The following GALNT13 variants were observed in gnomAD, a reference collection of about 807,000 sequenced individuals.
GALNT13 encodes UDP-GalNAc:polypeptide N-acetylgalactosaminyltransferase 13.
Under a neutral mutation model 64.2 loss-of-function variants are expected in GALNT13, and 28 were observed. The observed-to-expected ratio is 0.44, with a 90% CI of 0.32 to 0.60. The LOEUF (loss-of-function observed/expected upper bound fraction) is 0.60. Among genes scored for constraint, GALNT13 ranks in the 20% least tolerant of loss-of-function variants. The pLI is 0.05. For synonymous variants in GALNT13, 214 were observed against 224.6 expected (o/e 0.95, Z 0.42); for missense variants, 577 against 669.8 (o/e 0.86, Z 1.53).
chr2:153,710,368 A>G, the GALNT13 span, among the ~76,000 whole-genome samples: 1 of 152,114 alleles, frequency 6.6e-6, no homozygotes, highest in Non-Finnish European at 1.5e-5. Flanking sequence ...ACTTCTGAAA[A>G]AATCACAGAC....
chr2:153,858,112 G>A, the GALNT13 span, among the ~76,000 whole-genome samples: 1 of 152,162 alleles, frequency 6.6e-6, no homozygotes, highest in African/African-American at 2.4e-5. Flanking sequence ...TAAATTAGGT[G>A]ATCTTAAATT....
intron 11 of GALNT13, among the ~76,000 whole-genome samples, chr2:154,438,003 T>A (rs1031745216): frequency 9.2e-5 from 14 of 152,150 alleles, no homozygotes; most frequent in African/African-American, 3.4e-4. Context: ...TTCTTGGATA[T>A]TTTCAGAAGA....
Position 154,121,094 on chromosome 2 carries a change from T to A in GALNT13, c.143-19243T>A, listed in dbSNP as rs1210072597. On this transcript the variant is annotated intron_variant, in intron 3 of 12. Transcript: ENST00000392825. ...CCTCTCTGTCTGGTATTGTGCCGAC[T>A]TGGGGAAGGGAATAAAGTGGTTTAG... 4.6e-5 allele frequency among the ~76,000 whole-genome samples: 7 copies of A among 152,340 alleles called. No individual in the cohort carries two copies. The East Asian group carries it at 1.4e-3, about 29-fold the overall frequency.
the GALNT13 span, among the ~76,000 whole-genome samples, chr2:153,691,863 T>A: frequency 2.0e-5 from 3 of 152,196 alleles, no homozygotes; most frequent in Admixed American, 1.3e-4. Flanking sequence ...TTGTAAAAAA[T>A]TTTATTCCTG....
At chr2:154,201,688 T>C (rs1288513565) in intron 4 of GALNT13, among the ~76,000 whole-genome samples, 1 of 152,192 alleles carries the variant, frequency 6.6e-6, no homozygotes, top group African/African-American at 2.4e-5. Flanking sequence ...AGGCTTCCTT[T>C]ATCTTCATTT....
the GALNT13 span, among the ~76,000 whole-genome samples, chr2:153,782,022 G>A: frequency 6.6e-6 from 1 of 152,138 alleles, no homozygotes; most frequent in African/African-American, 2.4e-5. Context: ...AACAACTCAA[G>A]AGAGATCTTG....
the GALNT13 span, among the ~76,000 whole-genome samples, chr2:153,647,033 C>G: frequency 1.4e-4 from 22 of 152,250 alleles, no homozygotes; most frequent in East Asian, 3.9e-4. Flanking sequence ...CCTGAGGAAT[C>G]GCCACACTGA....
the GALNT13 span, among the ~76,000 whole-genome samples, chr2:153,862,944 A>G: frequency 6.6e-6 from 1 of 152,148 alleles, no homozygotes; most frequent in Non-Finnish European, 1.5e-5. Flanking sequence ...AATGGTAGTC[A>G]ACTGTTCCTA....
chr2:154,232,677 A>G (rs1688980619), intron 4 of GALNT13, among the ~76,000 whole-genome samples: 1 of 152,064 alleles, frequency 6.6e-6, no homozygotes, highest in South Asian at 2.1e-4. Flanking sequence ...CAGCTCCACT[A>G]CATAGAAGCA....
intron 3 of GALNT13, among the ~76,000 whole-genome samples, chr2:154,134,044 C>T (rs1193961512): frequency 2.6e-5 from 4 of 151,966 alleles, no homozygotes; most frequent in African/African-American, 9.7e-5. Context: ...GAACCACACA[C>T]GGGAAGTTTT....
At chr2:154,187,040 A>G (rs1028619540) in intron 4 of GALNT13, among the ~76,000 whole-genome samples, 2 of 152,074 alleles carry the variant, frequency 1.3e-5, no homozygotes, top group Non-Finnish European at 2.9e-5. Context: ...TAGTCTTACA[A>G]CTTTTCTAGT....
intron 3 of GALNT13, among the ~76,000 whole-genome samples, chr2:154,023,983 G>T (rs1358665315): frequency 6.6e-6 from 1 of 152,068 alleles, no homozygotes; most frequent in Admixed American, 6.5e-5. Flanking sequence ...TGAGATTCTG[G>T]GTTGAAAATT....
intron 1 of GALNT13, among the ~76,000 whole-genome samples, chr2:153,875,558 T>C (rs575806697): frequency 6.6e-6 from 1 of 152,282 alleles, no homozygotes; most frequent in East Asian, 1.9e-4. Flanking sequence ...ATAGTAGTTG[T>C]AACAGGAGCA....
intron 1 of GALNT13, among the ~76,000 whole-genome samples, chr2:153,889,448 A>G (rs1687402513): frequency 1.3e-5 from 2 of 151,854 alleles, no homozygotes; most frequent in African/African-American, 4.8e-5. Context: ...CACACTCTAA[A>G]ACTACTACAT....
intron 4 of GALNT13, among the ~76,000 whole-genome samples, chr2:154,210,700 C>A (rs968883830): frequency 6.6e-6 from 1 of 151,992 alleles, no homozygotes; most frequent in Non-Finnish European, 1.5e-5. Flanking sequence ...TTTTAAAATA[C>A]CATTTTGAAG....
At chr2:153,303,532 C>G in the GALNT13 span, among the ~76,000 whole-genome samples, 1 of 152,064 alleles carries the variant, frequency 6.6e-6, no homozygotes, top group Non-Finnish European at 1.5e-5. Context: ...AATTTAGATA[C>G]CTTTTGTTTC....
At chr2:154,170,918 G>T (rs1206693962) in intron 4 of GALNT13, among the ~76,000 whole-genome samples, 1 of 152,174 alleles carries the variant, frequency 6.6e-6, no homozygotes, top group African/African-American at 2.4e-5. Flanking sequence ...TGGGTAGTTT[G>T]CTGGAGAAGC....
At chr2:154,168,614 C>T (rs1685168101) in intron 4 of GALNT13, among the ~76,000 whole-genome samples, 1 of 146,586 alleles carries the variant, frequency 6.8e-6, no homozygotes, top group Non-Finnish European at 1.5e-5. Context: ...GCAGGCAGAT[C>T]ACAAGGTCAG....
At chr2:154,222,950 G>T (rs1688394091) in intron 4 of GALNT13, among the ~76,000 whole-genome samples, 1 of 152,082 alleles carries the variant, frequency 6.6e-6, no homozygotes, top group African/African-American at 2.4e-5. Context: ...AAATAATGAA[G>T]TAGAATAAAT....
Sources: gnomAD v4.1 joint callset for allele counts (sites outside exome capture counted in the v4.1 genomes callset) on GRCh38, gnomAD v4.1.1 for gene constraint, MANE v1.5 for transcripts, NCBI Gene and HGNC (gene_info 2026-07-23, HGNC 2026-07-21) for gene names.